The following ANK3 variants were observed in gnomAD, a reference collection of about 807,000 sequenced individuals.
The protein encoded by ANK3 is ankyrin-3.
ANK3 carries 57 observed loss-of-function variants against 370.9 expected under a neutral mutation model. That is an observed-to-expected ratio of 0.15 (90% CI 0.12 to 0.19). The LOEUF (loss-of-function observed/expected upper bound fraction) is 0.19, where lower values mean the gene tolerates loss of function less well. Among genes scored for constraint, ANK3 ranks in the 10% least tolerant of loss-of-function variants. The pLI is 1.00. For missense variants in ANK3, 4,439 were observed against 5,302.1 expected (o/e 0.84, Z 5.06); for synonymous variants, 1,929 against 1,946.3 (o/e 0.99, Z 0.23).
rs748061808 is a variant in ANK3, at chr10:60,069,725, C to T, written c.11156G>A (p.Arg3719His). The T allele has an allele frequency of 3.7e-5, 59 of 1,613,476 alleles. No homozygotes were observed. Among genetic ancestry groups the T allele is most frequent in the Non-Finnish European group, 4.1e-5 (48 of 1,179,884 alleles). ...AGAAATTCCCATTTTTATAGGCGTG[C>T]GCAACTTGGGGTCAACTTTAGAGGT... ...TNTSKVDPKLRTPIKMGISAS... is the reference protein window; with the variant it reads ...TNTSKVDPKLHTPIKMGISAS... The change falls in exon 37 of 44, where the codon CGC (arginine) becomes CAC (histidine). Residue 3719 changes from arginine (R) to histidine (H), a missense_variant. Coordinates refer to ENST00000280772, the MANE Select transcript of ANK3 (RefSeq NM_020987.5).
intron 1 of ANK3, among the ~76,000 whole-genome samples, chr10:60,383,673 C>T (rs1480692137): frequency 6.6e-6 from 1 of 152,044 alleles, no homozygotes; most frequent in Non-Finnish European, 1.5e-5. Context: ...ATTGACCATG[C>T]TCCCTGGAGA....
At chr10:60,383,411 G>A (rs760587346) in intron 1 of ANK3, among the ~76,000 whole-genome samples, 8 of 152,154 alleles carry the variant, frequency 5.3e-5, no homozygotes, top group Non-Finnish European at 8.8e-5. Flanking sequence ...GAGGCACAGA[G>A]AGACTAAATA....
chr10:60,695,195 A>G (rs1239965290), intron 1 of ANK3, among the ~76,000 whole-genome samples: 1 of 152,210 alleles, frequency 6.6e-6, no homozygotes, highest in African/African-American at 2.4e-5. Context: ...CAACAAGAAG[A>G]GCTAACTATC....
rs80334435 is a variant in ANK3 at position 60,667,011 on chromosome 10, A to T, written c.58-51787T>A. Among the ~76,000 whole-genome samples, 44 of 152,204 alleles carry T rather than the reference A, an allele frequency of 2.9e-4. No individual in the cohort carries two copies. In the East Asian group the frequency reaches 8.1e-3, roughly 28 times the overall value. On this transcript the variant is annotated intron_variant, in intron 1 of 43. Transcript: ENST00000373827. ...ATCAGGTGAACAATGAATTCTTCAT[A>T]TAAGTATGTCCCAAATACTGCAGGG...
chr10:60,394,917 A>G (rs941078855), intron 2 of ANK3, among the ~76,000 whole-genome samples: 6 of 152,168 alleles, frequency 3.9e-5, no homozygotes, highest in Admixed American at 6.5e-5. Flanking sequence ...AAAAAAATAT[A>G]TAAGGAAGTT....
intron 2 of ANK3, among the ~76,000 whole-genome samples, chr10:60,463,121 C>G (rs1189895079): frequency 5.9e-5 from 9 of 152,196 alleles, no homozygotes; most frequent in Non-Finnish European, 1.3e-4. Context: ...TCAAGCTGGT[C>G]TGGAAGTCCT....
intron 1 of ANK3, among the ~76,000 whole-genome samples, chr10:60,291,491 C>A (rs1346224198): frequency 6.6e-6 from 1 of 152,004 alleles, no homozygotes; most frequent in Non-Finnish European, 1.5e-5. Flanking sequence ...AGGCAGAAAG[C>A]CATAAATGAT....
At position 60,027,286 on chromosome 10, in the gene ANK3, GTTTTTTTTT is replaced by G. The variant is rs71467087; in HGVS notation, c.*2551_*2559del. 9.4e-6 allele frequency: 1 copy of G among 105,996 alleles called. No homozygotes were observed. 6.6% of individuals were successfully genotyped at this position (105,996 alleles called of 1,614,324 possible). On this transcript the variant is annotated 3_prime_UTR_variant, in exon 44 of 44. Coordinates refer to ENST00000280772, the MANE Select transcript of ANK3 (RefSeq NM_020987.5). ...CTTTACAGAGAGGCATTTTGGGAAA[GTTTTTTTTT>G]TTTTTTTTTTTTAAAAAAAAAACCT...
chr10:60,672,720 T>C (rs1017262727), intron 1 of ANK3, among the ~76,000 whole-genome samples: 10 of 152,178 alleles, frequency 6.6e-5, no homozygotes, highest in Non-Finnish European at 1.5e-4. Flanking sequence ...GAATGGGTCC[T>C]AGGAACCCAG....
intron 1 of ANK3, among the ~76,000 whole-genome samples, chr10:60,311,695 G>A (rs114499021): frequency 7.7e-4 from 117 of 152,260 alleles, no homozygotes; most frequent in African/African-American, 2.5e-3. Context: ...AAAGGCAATT[G>A]TATTCCTCCC....
At chr10:60,548,305 A>C (rs2077016062) in intron 2 of ANK3, among the ~76,000 whole-genome samples, 1 of 138,438 alleles carries the variant, frequency 7.2e-6, no homozygotes, top group South Asian at 2.2e-4. Context: ...TCTGCCTCCC[A>C]GGTTCGAGTG....
At chr10:60,263,470 C>T (rs1442198887) in intron 6 of ANK3, among the ~76,000 whole-genome samples, 1 of 152,152 alleles carries the variant, frequency 6.6e-6, no homozygotes. Flanking sequence ...TGGGTATCAA[C>T]CAGAGGTTTG....
intron 2 of ANK3, among the ~76,000 whole-genome samples, chr10:60,443,273 C>T (rs997478561): frequency 1.3e-5 from 2 of 151,962 alleles, no homozygotes; most frequent in African/African-American, 4.8e-5. Context: ...ACATAAAGGA[C>T]ATTTGTTAGA....
At chr10:60,287,939 G>A (rs1320942232) in intron 1 of ANK3, among the ~76,000 whole-genome samples, 2 of 152,214 alleles carry the variant, frequency 1.3e-5, no homozygotes, top group South Asian at 2.1e-4. Flanking sequence ...TTGTTCAAAC[G>A]TTGTTGCTTT....
intron 42 of ANK3, among the ~76,000 whole-genome samples, chr10:60,051,039 A>G (rs566457629): frequency 1.3e-5 from 2 of 152,194 alleles, no homozygotes; most frequent in South Asian, 2.1e-4. Flanking sequence ...AGGCAGTAGG[A>G]ATTTGAGACT....
In ANK3 at chr10:60,159,881, G is replaced by C. The variant is rs2095450046; in HGVS notation, c.2614+6710C>G. The stretch of plus-strand genomic sequence containing the variant: ...AATTTCTTGAAACAAAAGAAAATGG[G>C]AACACAACACACTAAAACCTACGGG... On this transcript the variant is annotated intron_variant, in intron 23 of 43. Transcript: ENST00000280772. Among the ~76,000 whole-genome samples, 3 of 151,732 alleles carry C rather than the reference G, an allele frequency of 2.0e-5. No homozygotes were observed. In the South Asian group the frequency reaches 6.3e-4, roughly 32 times the overall value.
chr10:60,457,498 C>A (rs1276979076), intron 2 of ANK3, among the ~76,000 whole-genome samples: 1 of 152,010 alleles, frequency 6.6e-6, no homozygotes, highest in African/African-American at 2.4e-5. Context: ...TGTTTATATC[C>A]CTTTTGCTCT....
chr10:60,390,061 CCT>C (rs1051315173), upstream of ANK3, among the ~76,000 whole-genome samples: 2 of 152,026 alleles, frequency 1.3e-5, no homozygotes, highest in African/African-American at 4.8e-5. Context: ...TAATTTAACC[CCT>C]GATAGAATGG....
At chr10:60,680,505 C>T (rs1244562248) in intron 1 of ANK3, among the ~76,000 whole-genome samples, 1 of 152,194 alleles carries the variant, frequency 6.6e-6, no homozygotes, top group African/African-American at 2.4e-5. Flanking sequence ...CTTGCCTAAC[C>T]TCAGTCTCCT....
Sources: gnomAD v4.1 joint callset for allele counts (sites outside exome capture counted in the v4.1 genomes callset) on GRCh38, gnomAD v4.1.1 for gene constraint, MANE v1.5 for transcripts, NCBI Gene and HGNC (gene_info 2026-07-23, HGNC 2026-07-21) for gene names.